Variants in TAS2R1 observed in about 807,000 individuals in gnomAD.
TAS2R1 encodes taste 2 receptor member 1, also known as taste receptor type 2 member 1.
For synonymous variants in TAS2R1, 141 were observed against 134.2 expected (o/e 1.05, Z -0.35); for missense variants, 370 against 353.4 (o/e 1.05, Z -0.38).
the TAS2R1 span, among the ~76,000 whole-genome samples, chr5:9,811,241 A>T: frequency 6.6e-6 from 1 of 152,228 alleles, no homozygotes; most frequent in East Asian, 1.9e-4. Context: ...CTCACCAGAC[A>T]CTGAATCTGC....
At chr5:9,840,403 C>A in the TAS2R1 span, among the ~76,000 whole-genome samples, 1 of 152,158 alleles carries the variant, frequency 6.6e-6, no homozygotes, top group Non-Finnish European at 1.5e-5. Flanking sequence ...CATCTTTCTC[C>A]TCTACCATCC....
chr5:9,875,982 C>A, the TAS2R1 span, among the ~76,000 whole-genome samples: 1 of 152,094 alleles, frequency 6.6e-6, no homozygotes, highest in Non-Finnish European at 1.5e-5. Flanking sequence ...TCCCACTTTG[C>A]CCCATGTCTT....
At chr5:9,676,019 T>C (rs929060151) in intron 1 of TAS2R1, among the ~76,000 whole-genome samples, 1 of 152,190 alleles carries the variant, frequency 6.6e-6, no homozygotes, top group African/African-American at 2.4e-5. Flanking sequence ...TATGTTGAGA[T>C]AAATTCCTTT....
At chr5:9,827,265 C>G in the TAS2R1 span, among the ~76,000 whole-genome samples, 8 of 152,098 alleles carry the variant, frequency 5.3e-5, no homozygotes, top group Admixed American at 3.3e-4. Context: ...ACCTCCAGGG[C>G]AATCCCAATC....
At chr5:9,901,462 T>C in the TAS2R1 span, among the ~76,000 whole-genome samples, 1 of 152,112 alleles carries the variant, frequency 6.6e-6, no homozygotes, top group East Asian at 1.9e-4. Flanking sequence ...GAGGGGACAG[T>C]AGAAGCCAGG....
the TAS2R1 span, among the ~76,000 whole-genome samples, chr5:9,744,325 G>C: frequency 6.6e-6 from 1 of 152,118 alleles, no homozygotes; most frequent in East Asian, 1.9e-4. Flanking sequence ...TGGGTCATAG[G>C]TACTCTGTCA....
intron 1 of TAS2R1, among the ~76,000 whole-genome samples, chr5:9,674,310 G>A (rs972081881): frequency 1.3e-5 from 2 of 151,996 alleles, no homozygotes; most frequent in African/African-American, 4.8e-5. Context: ...AGATATGCAG[G>A]ATATTATGAT....
At chr5:9,702,656 T>C (rs572519383) in intron 1 of TAS2R1, among the ~76,000 whole-genome samples, 26 of 152,124 alleles carry the variant, frequency 1.7e-4, no homozygotes, top group Non-Finnish European at 2.8e-4. Context: ...TTCACAGAAA[T>C]AGTTAAGTGA....
chr5:9,780,700 C>CGT, the TAS2R1 span, among the ~76,000 whole-genome samples: 1 of 151,920 alleles, frequency 6.6e-6, no homozygotes, highest in Non-Finnish European at 1.5e-5. Flanking sequence ...TGCGCGCGCG[C>CGT]GCGCATGCAC....
the TAS2R1 span, among the ~76,000 whole-genome samples, chr5:9,784,110 A>G: frequency 1.3e-5 from 2 of 152,380 alleles, no homozygotes; most frequent in South Asian, 4.1e-4. Context: ...GGTACTGACC[A>G]TTGCATGCCA....
chr5:9,754,479 C>T, the TAS2R1 span, among the ~76,000 whole-genome samples: 12 of 152,316 alleles, frequency 7.9e-5, no homozygotes. Flanking sequence ...TTGCAGACGA[C>T]ATGATTGTAT....
At chr5:9,724,336 G>GTTTC in the TAS2R1 span, among the ~76,000 whole-genome samples, 6 of 123,698 alleles carry the variant, frequency 4.9e-5, no homozygotes, top group African/African-American at 1.3e-4. Flanking sequence ...TCTCTTAGAT[G>GTTTC]TTTCTTTCTT....
chr5:9,653,381 T>C (rs1740346910), intron 2 of TAS2R1, among the ~76,000 whole-genome samples: 1 of 152,236 alleles, frequency 6.6e-6, no homozygotes, highest in South Asian at 2.1e-4. Flanking sequence ...TTCCATTTTA[T>C]GTATAGACCA....
At chr5:9,755,695 C>A in the TAS2R1 span, among the ~76,000 whole-genome samples, 1 of 151,730 alleles carries the variant, frequency 6.6e-6, no homozygotes, top group Non-Finnish European at 1.5e-5. Flanking sequence ...ATAGTTATTT[C>A]TTGATTACAT....
the TAS2R1 span, among the ~76,000 whole-genome samples, chr5:9,824,719 C>T: frequency 4.7e-4 from 72 of 151,782 alleles, no homozygotes; most frequent in Non-Finnish European, 7.8e-4. Context: ...TGGTGGTGGG[C>T]GCCTGTAATC....
chr5:9,703,193 G>A (rs1440091596), intron 1 of TAS2R1, among the ~76,000 whole-genome samples: 2 of 152,150 alleles, frequency 1.3e-5, no homozygotes, highest in Non-Finnish European at 2.9e-5. Flanking sequence ...TCACTGGGCA[G>A]TGAAGACATC....
intron 1 of TAS2R1, among the ~76,000 whole-genome samples, chr5:9,688,439 T>C (rs28738): frequency 0.32 from 49,399 of 152,088 alleles, 9,789 homozygotes; most frequent in Non-Finnish European, 0.45. Flanking sequence ...GTAAGGCTGG[T>C]GTCTACACTG....
At chr5:9,714,860 T>C (rs1010269958), upstream of TAS2R1, among the ~76,000 whole-genome samples, 2 of 152,248 alleles carry the variant, frequency 1.3e-5, no homozygotes, top group African/African-American at 2.4e-5. Flanking sequence ...GTGTGCAACA[T>C]GCAACTTGCA....
At chr5:9,790,605 G>T in the TAS2R1 span, among the ~76,000 whole-genome samples, 1 of 152,152 alleles carries the variant, frequency 6.6e-6, no homozygotes, top group African/African-American at 2.4e-5. Flanking sequence ...GTGTGTCTGT[G>T]TGTGCATGTG....
Sources: gnomAD v4.1 joint callset for allele counts (sites outside exome capture counted in the v4.1 genomes callset) on GRCh38, gnomAD v4.1.1 for gene constraint, MANE v1.5 for transcripts, NCBI Gene and HGNC (gene_info 2026-07-23, HGNC 2026-07-21) for gene names.